Variants in IL1RAPL2 observed in about 807,000 individuals in gnomAD.
IL1RAPL2 encodes X-linked interleukin-1 receptor accessory protein-like 2.
Under a neutral mutation model 44.1 loss-of-function variants are expected in IL1RAPL2, and 3 were observed. The observed-to-expected ratio is 0.07, with a 90% CI of 0.03 to 0.18. The LOEUF (loss-of-function observed/expected upper bound fraction) is 0.18. IL1RAPL2 is among the 10% of genes least tolerant of loss of function. The pLI, the probability that IL1RAPL2 is intolerant of heterozygous loss-of-function variation, is 1.00. For missense variants in IL1RAPL2, 391 were observed against 496.4 expected (o/e 0.79, Z 2.02); for synonymous variants, 181 against 178.8 (o/e 1.01, Z -0.10).
At chrX:105,065,260 G>A (rs1043137534) in intron 2 of IL1RAPL2, among the ~76,000 whole-genome samples, 5 of 111,983 alleles carry the variant, frequency 4.5e-5, no homozygotes, top group African/African-American at 1.6e-4. Context: ...GTTCTGTTTG[G>A]TTTCTATTTT....
intron 2 of IL1RAPL2, among the ~76,000 whole-genome samples, chrX:104,987,089 G>A (rs181252030): frequency 2.7e-4 from 30 of 112,082 alleles, no homozygotes; most frequent in South Asian, 2.6e-3. Flanking sequence ...AGTGATCTCT[G>A]CATTCCCATT....
At chrX:104,698,350 A>G (rs1003315635) in intron 2 of IL1RAPL2, among the ~76,000 whole-genome samples, 5 of 112,297 alleles carry the variant, frequency 4.5e-5, no homozygotes, top group African/African-American at 6.5e-5. Flanking sequence ...AAAGGTTTAT[A>G]TAAGGATGTG....
intron 3 of IL1RAPL2, among the ~76,000 whole-genome samples, chrX:105,198,992 C>CT (rs782236496): frequency 3.6e-5 from 4 of 110,370 alleles, no homozygotes; most frequent in East Asian, 5.7e-4. Flanking sequence ...TGTAAAGTTA[C>CT]TTTTTTTTTC....
At chrX:105,560,801 A>G (rs1435495760) in intron 6 of IL1RAPL2, among the ~76,000 whole-genome samples, 3 of 110,406 alleles carry the variant, frequency 2.7e-5, no homozygotes, top group African/African-American at 9.8e-5. Flanking sequence ...ATTGTTTATC[A>G]ACAAATGAAT....
chrX:105,494,738 G>A (rs2036344597), intron 6 of IL1RAPL2, among the ~76,000 whole-genome samples: 1 of 111,180 alleles, frequency 9.0e-6, no homozygotes, highest in African/African-American at 3.3e-5. Context: ...CACTGCAGCC[G>A]CAAACTCCTG....
chrX:104,827,036 G>A (rs1921472675), intron 2 of IL1RAPL2, among the ~76,000 whole-genome samples: 1 of 104,440 alleles, frequency 9.6e-6, no homozygotes, highest in Non-Finnish European at 2.0e-5. Flanking sequence ...CATGAGATGG[G>A]TCTCCTGAGT....
At chrX:104,848,512 T>G (rs893049126) in intron 2 of IL1RAPL2, among the ~76,000 whole-genome samples, 17 of 103,499 alleles carry the variant, frequency 1.6e-4, no homozygotes, top group African/African-American at 5.9e-4. Flanking sequence ...AACCTATATT[T>G]AAAAACAAAC....
chrX:105,459,314 A>T (rs1183833125), intron 5 of IL1RAPL2, among the ~76,000 whole-genome samples: 1 of 110,855 alleles, frequency 9.0e-6, no homozygotes, highest in Non-Finnish European at 1.9e-5. Context: ...CTGTCTGCCT[A>T]TCTGTGTCTG....
At chrX:104,801,928 G>A (rs776006338) in intron 2 of IL1RAPL2, among the ~76,000 whole-genome samples, 15 of 111,070 alleles carry the variant, frequency 1.4e-4, no homozygotes, top group Admixed American at 4.8e-4. Context: ...AAATAGCTTC[G>A]CCCTGCAACC....
At chrX:105,150,549 A>G (rs188810226) in intron 2 of IL1RAPL2, among the ~76,000 whole-genome samples, 61 of 112,073 alleles carry the variant, frequency 5.4e-4, no homozygotes, top group South Asian at 3.3e-3. Flanking sequence ...CTCAGTAGAA[A>G]GGAGATTTGC....
intron 2 of IL1RAPL2, among the ~76,000 whole-genome samples, chrX:105,049,722 A>C (rs181766026): frequency 1.9e-3 from 213 of 111,869 alleles, no homozygotes; most frequent in Non-Finnish European, 3.7e-3. Flanking sequence ...AATCAACATT[A>C]ATATGCTTTT....
chrX:105,457,694 T>A (rs2036066590), intron 5 of IL1RAPL2, among the ~76,000 whole-genome samples: 3 of 109,006 alleles, frequency 2.8e-5, no homozygotes, highest in Admixed American at 1.0e-4. Context: ...TGTATATATA[T>A]AAAACATTTT....
At position 105,731,418 on chromosome X, in the gene IL1RAPL2, A is replaced by G. The variant is rs748497567; in HGVS notation, c.903-9128A>G. The stretch of plus-strand genomic sequence containing the variant: ...AACAGTATAAAGACTTCTTAAAAAA[A>G]CAAAAAGAGAAGTACCATATGATCC... On this transcript the variant is annotated intron_variant, in intron 7 of 10. Coordinates refer to ENST00000372582, the MANE Select transcript of IL1RAPL2 (RefSeq NM_017416.2). Among the ~76,000 whole-genome samples, 5 of 111,383 alleles carry G rather than the reference A, an allele frequency of 4.5e-5. No homozygotes were observed. In the South Asian group the frequency reaches 1.9e-3, roughly 41 times the overall value.
At chrX:104,644,878 A>G (rs1602659663) in intron 1 of IL1RAPL2, among the ~76,000 whole-genome samples, 1 of 111,267 alleles carries the variant, frequency 9.0e-6, no homozygotes, top group African/African-American at 3.3e-5. Flanking sequence ...TCTTCAATCT[A>G]TACAGTCTGA....
chrX:105,030,334 G>A (rs978918050), intron 2 of IL1RAPL2, among the ~76,000 whole-genome samples: 56 of 111,133 alleles, frequency 5.0e-4, no homozygotes, highest in Non-Finnish European at 8.9e-4. Context: ...CCTATGTCCT[G>A]AATGGTATTG....
chrX:105,756,679 G>T (rs1446037620), intron 10 of IL1RAPL2, among the ~76,000 whole-genome samples: 1 of 111,508 alleles, frequency 9.0e-6, no homozygotes, highest in African/African-American at 3.3e-5. Flanking sequence ...TCTTATCATG[G>T]TCCTTCATTC....
rs759288210 is a variant in IL1RAPL2 at position 105,455,370 on chromosome X, GCATTCTCAT to G, written c.698-28939_698-28931del. Among the ~76,000 whole-genome samples, 237 of 111,748 alleles carry G rather than the reference GCATTCTCAT, an allele frequency of 2.1e-3. 4 individuals are homozygous for G. The Admixed American group carries it at 0.021, about 10-fold the overall frequency. On this transcript the variant is annotated intron_variant, in intron 5 of 10. Transcript: ENST00000372582. The stretch of plus-strand genomic sequence containing the variant: ...TTTGCTTTCATTGCAGTTGCTTTTG[GCATTCTCAT>G]CATGAAATCTTTGCCTATTCCTGTG...
rs781090572 is a variant in IL1RAPL2, at chrX:105,247,561, G to C, written c.543+13557G>C. 5.6e-5 allele frequency among the ~76,000 whole-genome samples: 6 copies of C among 107,942 alleles called. No individual in the cohort carries two copies. The Admixed American group carries it at 6.0e-4, about 11-fold the overall frequency. 93.7% of individuals were successfully genotyped at this position (107,942 alleles called of 115,157 possible). A position where few individuals can be genotyped will look rare whatever the true frequency, so the allele number is the denominator to read the frequency against. On this transcript the variant is annotated intron_variant, in intron 4 of 10. Coordinates refer to ENST00000372582, the MANE Select transcript of IL1RAPL2 (RefSeq NM_017416.2). ...TTACATTCATTAAATTTTACAAAAA[G>C]AGACCACTAAATAGAATAGAAGTGT...
At chrX:105,638,241 C>T (rs1569460744) in intron 6 of IL1RAPL2, among the ~76,000 whole-genome samples, 1 of 111,706 alleles carries the variant, frequency 9.0e-6, no homozygotes, top group Non-Finnish European at 1.9e-5. Flanking sequence ...CATTATGGAA[C>T]ATTTTTAAAG....
Sources: gnomAD v4.1 joint callset for allele counts (sites outside exome capture counted in the v4.1 genomes callset) on GRCh38, gnomAD v4.1.1 for gene constraint, MANE v1.5 for transcripts, NCBI Gene and HGNC (gene_info 2026-07-23, HGNC 2026-07-21) for gene names.